Variants in MALRD1 observed in about 807,000 individuals in gnomAD.
MALRD1 encodes the protein MAM and LDL receptor class A domain containing 1, also known as MAM and LDL-receptor class A domain-containing protein 1.
Under a neutral mutation model 242.1 loss-of-function variants are expected in MALRD1, and 247 were observed. The ratio of observed to expected loss-of-function variants is 1.02; its 90% CI spans 0.92 to 1.13. MALRD1 has a LOEUF of 1.13. Among genes scored for constraint, MALRD1 ranks in the 50% most tolerant of loss-of-function variants. The probability of loss-of-function intolerance (pLI) is 0.00; values close to 1 mark genes in which losing one functional copy is unlikely to be tolerated. For synonymous variants in MALRD1, 995 were observed against 866.6 expected, an observed-to-expected ratio of 1.15 and a Z score of -2.60; for missense variants, 2,989 against 2,533.1, an observed-to-expected ratio of 1.18 and a Z score of -3.86.
At chr10:19,632,171 T>C (rs1478874254) in intron 36 of MALRD1, among the ~76,000 whole-genome samples, 1 of 152,134 alleles carries the variant, frequency 6.6e-6, no homozygotes, top group African/African-American at 2.4e-5. Context: ...GGAGTAGACC[T>C]TGGTTAACTA....
intron 28 of MALRD1, among the ~76,000 whole-genome samples, chr10:19,418,797 C>A (rs1024065643): frequency 1.3e-5 from 2 of 152,080 alleles, no homozygotes; most frequent in African/African-American, 4.8e-5. Flanking sequence ...AACCCTTAAG[C>A]CTTTCATAAT....
intron 11 of MALRD1, among the ~76,000 whole-genome samples, chr10:19,148,807 A>ATATATC (rs1554797987): frequency 1.4e-5 from 2 of 145,312 alleles, no homozygotes; most frequent in African/African-American, 2.5e-5. Flanking sequence ...ATATATATAT[A>ATATATC]TATCTGGATC....
At chr10:19,679,776 G>A (rs1041775187) in intron 36 of MALRD1, among the ~76,000 whole-genome samples, 23 of 151,804 alleles carry the variant, frequency 1.5e-4, no homozygotes, top group African/African-American at 4.1e-4. Context: ...TGAGCTTTTC[G>A]ATGTGGGGAT....
At chr10:19,159,133 C>A (rs1834289637) in intron 12 of MALRD1, among the ~76,000 whole-genome samples, 1 of 152,056 alleles carries the variant, frequency 6.6e-6, no homozygotes. Context: ...AGATTCTAAC[C>A]CTCAGCATAA....
chr10:19,711,782 G>C (rs1443874740), intron 38 of MALRD1, among the ~76,000 whole-genome samples: 1 of 152,220 alleles, frequency 6.6e-6, no homozygotes. Context: ...GAGACAACAA[G>C]TATTGCCAGG....
intron 18 of MALRD1, among the ~76,000 whole-genome samples, chr10:19,223,106 T>G (rs2484093): frequency 0.9 from 136,277 of 152,232 alleles, 61,278 homozygotes; most frequent in East Asian, 1. Context: ...AAAAGTGGCA[T>G]ATTGACAATT....
intron 36 of MALRD1, among the ~76,000 whole-genome samples, chr10:19,663,689 A>G (rs2131739386): frequency 6.6e-6 from 1 of 152,144 alleles, no homozygotes; most frequent in Admixed American, 6.6e-5. Context: ...AGCTCCCACA[A>G]CCCTCAGACA....
Position 19,567,514 on chromosome 10 carries a change from G to A in MALRD1, c.5491G>A (p.Glu1831Lys). The part of the protein sequence containing the change: ...SMGILKVYTI[E>K]ESGLNILVWS... Reference sequence around the variant, plus strand: ...ATGATTTTTAAAGGTGTATACCATTGAAGAATCGGGGCTAAACATCCTGGT... The same window carrying A: ...ATGATTTTTAAAGGTGTATACCATTAAAGAATCGGGGCTAAACATCCTGGT... The change falls in exon 33 of 40, where the codon GAA becomes AAA. Residue 1831 changes from glutamate (E) to lysine (K), a missense_variant. Physicochemically the swap from Glu to Lys is moderately conservative, Grantham distance 56. Transcript: ENST00000454679. 1.9e-6 allele frequency: 3 copies of A among 1,550,314 alleles called. No individual in the cohort carries two copies. Among genetic ancestry groups the A allele is most frequent in the Non-Finnish European group, 2.6e-6 (3 of 1,146,852 alleles).
Position 19,352,297 on chromosome 10 carries a change from G to C in MALRD1, c.4441G>C (p.Gly1481Arg). The change falls in exon 26 of 40, where the codon GGT (glycine) becomes CGT (arginine). Residue 1481 changes from glycine (G) to arginine (R), a missense_variant and splice_region_variant. Transcript: ENST00000454679. ...AGAACTGGCAGTGCCTCTTCCAACA[G>C]GTACATTCTAATCTGTGTGTGTGTG... ...QEELAVPLPT[G>R]FCPLGYRECH... 3 of 1,472,382 alleles carry C rather than the reference G, an allele frequency of 2.0e-6. No individual in the cohort carries two copies. Among genetic ancestry groups the C allele is most frequent in the Non-Finnish European group, 2.7e-6 (3 of 1,116,070 alleles). The allele number at this position is 1,472,382 out of a possible 1,614,324, so 91.2% of individuals were successfully genotyped here.
At chr10:19,699,840 G>C (rs917246251) in intron 38 of MALRD1, among the ~76,000 whole-genome samples, 1 of 151,980 alleles carries the variant, frequency 6.6e-6, no homozygotes, top group African/African-American at 2.4e-5. Flanking sequence ...AGTAAGAACA[G>C]CACCAAGTCA....
At chr10:19,212,034 T>C (rs557909556) in intron 18 of MALRD1, among the ~76,000 whole-genome samples, 142 of 152,352 alleles carry the variant, frequency 9.3e-4, no homozygotes, top group African/African-American at 3.3e-3. Flanking sequence ...AATGCTTTCA[T>C]GTGTGCCTTG....
intron 31 of MALRD1, among the ~76,000 whole-genome samples, chr10:19,509,537 G>T (rs1337191810): frequency 6.6e-6 from 1 of 152,110 alleles, no homozygotes; most frequent in Non-Finnish European, 1.5e-5. Context: ...TCTCAATCTT[G>T]AGAGGTTGAT....
intron 5 of MALRD1, among the ~76,000 whole-genome samples, chr10:19,107,321 A>G (rs1460012580): frequency 9.2e-5 from 14 of 151,916 alleles, no homozygotes; most frequent in Admixed American, 9.2e-4. Context: ...TTTTGGGTGA[A>G]TATATATTTA....
In MALRD1 at chr10:19,472,303, T is replaced by C. The variant is rs938610193; in HGVS notation, c.5030-19214T>C. 5.3e-4 allele frequency among the ~76,000 whole-genome samples: 81 copies of C among 152,038 alleles called. 2 individuals are homozygous for C. On this transcript the variant is annotated intron_variant, in intron 29 of 39. Transcript: ENST00000454679. ...CAGTGTGCTGTTGAGTTCTGTTTGCTAGAGCTTTGCTGAGGATTTTGCATG... is the reference window on the plus strand; with the variant it reads ...CAGTGTGCTGTTGAGTTCTGTTTGCCAGAGCTTTGCTGAGGATTTTGCATG...
intron 5 of MALRD1, among the ~76,000 whole-genome samples, chr10:19,121,424 G>T (rs530257204): frequency 1.3e-5 from 2 of 152,136 alleles, no homozygotes; most frequent in Non-Finnish European, 2.9e-5. Flanking sequence ...AACTGTTATT[G>T]ACATAGGTTC....
At position 19,546,006 on chromosome 10, in the gene MALRD1, A is replaced by G. The variant is rs561810290; in HGVS notation, c.5478+14655A>G. On this transcript the variant is annotated intron_variant, in intron 32 of 39. Coordinates refer to ENST00000454679, the MANE Select transcript of MALRD1 (RefSeq NM_001142308.3). ...CCTGTTAGGTATGACTGACACCCAA[A>G]TCTCTCAAGAGAGTTAATTATATTT... Among the ~76,000 whole-genome samples, 4 of 152,236 alleles carry G rather than the reference A, an allele frequency of 2.6e-5. No individual in the cohort carries two copies. The South Asian group carries it at 6.2e-4, about 24-fold the overall frequency.
intron 36 of MALRD1, among the ~76,000 whole-genome samples, chr10:19,658,724 C>T (rs1187499932): frequency 6.6e-6 from 1 of 152,132 alleles, no homozygotes; most frequent in Non-Finnish European, 1.5e-5. Flanking sequence ...ACTTGAATTT[C>T]TATTACTCTC....
chr10:19,681,653 C>A (rs1191476957), intron 36 of MALRD1, among the ~76,000 whole-genome samples: 1 of 147,138 alleles, frequency 6.8e-6, no homozygotes, highest in African/African-American at 2.5e-5. Context: ...CTGAAACCGA[C>A]TTCTGTCAGT....
At position 19,381,787 on chromosome 10, in the gene MALRD1, C is replaced by T. The variant is rs187860098; in HGVS notation, c.4442-5741C>T. On this transcript the variant is annotated intron_variant, in intron 26 of 39. Transcript: ENST00000454679. ...CTGGGAGGTGGAGTTTGCAGTGAGC[C>T]GAGATTACGCCACTGCACTCCAGCC... is the stretch of plus-strand genomic sequence containing the variant. Among the ~76,000 whole-genome samples, 689 of 151,816 alleles carry T rather than the reference C, an allele frequency of 4.5e-3. 5 individuals are homozygous for T. The highest frequency in any genetic ancestry group is 0.016 in the African/African-American group (646 of 41,402).
Sources: allele counts gnomAD v4.1 joint callset (sites outside exome capture counted in the v4.1 genomes callset), GRCh38; gene constraint gnomAD v4.1.1; transcripts MANE v1.5; gene names NCBI Gene and HGNC (gene_info 2026-07-23, HGNC 2026-07-21).